COL28A1: variants seen among roughly 807,000 people sequenced by gnomAD.
COL28A1 encodes collagen alpha-1(XXVIII) chain.
COL28A1 carries 161 observed loss-of-function variants against 150.2 expected under a neutral mutation model. That is an observed-to-expected ratio of 1.07 (90% CI 0.94 to 1.22). The LOEUF is 1.22. COL28A1 is among the 50% of genes most tolerant of loss of function. The probability of loss-of-function intolerance (pLI) is 0.00; values close to 1 mark genes in which losing one functional copy is unlikely to be tolerated. For missense variants in COL28A1, 1,617 were observed against 1,388.3 expected, an observed-to-expected ratio of 1.16 and a Z score of -2.62; for synonymous variants, 552 against 469.7, an observed-to-expected ratio of 1.18 and a Z score of -2.26.
upstream of COL28A1, among the ~76,000 whole-genome samples, chr7:7,538,737 AC>A (rs1375961208): frequency 6.6e-6 from 1 of 152,250 alleles, no homozygotes; most frequent in African/African-American, 2.4e-5. Context: ...ATAGAAATAC[AC>A]ACAAAAAAAG....
intron 12 of COL28A1, 127 bp from the exon 13 acceptor site, chr7:7,489,584 G>T: frequency 1.5e-6 from 1 of 652,468 alleles, no homozygotes; most frequent in South Asian, 2.0e-5. Context: ...TTTCATAAAG[G>T]TAAAAAATTC....
At chr7:7,504,513 G>GAGA (rs1583523402) in intron 11 of COL28A1, among the ~76,000 whole-genome samples, 1 of 152,008 alleles carries the variant, frequency 6.6e-6, no homozygotes, top group Non-Finnish European at 1.5e-5. Flanking sequence ...AAAAGAGAGA[G>GAGA]AGAAGAAGAA....
chr7:7,424,714 T>G (rs1399810434), intron 25 of COL28A1, among the ~76,000 whole-genome samples: 3 of 151,898 alleles, frequency 2.0e-5, no homozygotes, highest in African/African-American at 4.8e-5. Flanking sequence ...CTGCACCCAC[T>G]CTCTCAAAAG....
the COL28A1 span, among the ~76,000 whole-genome samples, chr7:7,343,495 ATG>A: frequency 6.6e-6 from 1 of 152,012 alleles, no homozygotes; most frequent in African/African-American, 2.4e-5. Flanking sequence ...CTGTTAATTT[ATG>A]TGTTACTTAT....
At chr7:7,489,350 T>C (rs1168166168) in intron 13 of COL28A1, 39 bp downstream of exon 13, 1 of 891,094 alleles carries the variant, frequency 1.1e-6, no homozygotes, top group Non-Finnish European at 1.9e-6. Context: ...AAAAACTATA[T>C]TTGTCCTTTT....
intron 11 of COL28A1, among the ~76,000 whole-genome samples, chr7:7,500,120 G>C (rs565526748): frequency 6.6e-6 from 1 of 152,092 alleles, no homozygotes. Flanking sequence ...CAATGTTCCC[G>C]ACTGTTACAT....
chr7:7,427,881 G>A (rs1463866191), intron 25 of COL28A1, among the ~76,000 whole-genome samples: 1 of 152,176 alleles, frequency 6.6e-6, no homozygotes, highest in African/African-American at 2.4e-5. Context: ...GACAGCATAG[G>A]AGATTGAGCA....
intron 18 of COL28A1, among the ~76,000 whole-genome samples, chr7:7,448,017 G>A (rs1786399645): frequency 6.6e-6 from 1 of 152,172 alleles, no homozygotes; most frequent in Admixed American, 6.5e-5. Context: ...AGTGAGTCAA[G>A]AGCATGCCAC....
chr7:7,387,521 T>C (rs1466789780), intron 27 of COL28A1, among the ~76,000 whole-genome samples: 3 of 152,110 alleles, frequency 2.0e-5, no homozygotes, highest in Non-Finnish European at 4.4e-5. Context: ...AAAATACTGA[T>C]GTATTAGGAG....
the COL28A1 span, among the ~76,000 whole-genome samples, chr7:7,338,352 T>A: frequency 6.6e-6 from 1 of 152,200 alleles, no homozygotes; most frequent in Non-Finnish European, 1.5e-5. Context: ...CATTTCTTTG[T>A]GTCATCTCTG....
intron 28 of COL28A1, among the ~76,000 whole-genome samples, chr7:7,381,218 C>A (rs1328477083): frequency 6.6e-6 from 1 of 151,974 alleles, no homozygotes; most frequent in Non-Finnish European, 1.5e-5. Flanking sequence ...CTAATAAATC[C>A]TTTATTAGTT....
chr7:7,360,288 T>G (rs1780575784), intron 34 of COL28A1, 102 bp downstream of exon 34: 1 of 1,169,348 alleles, frequency 8.6e-7, no homozygotes, highest in South Asian at 2.1e-5. Context: ...CCTCACATTG[T>G]AGATACAGTA....
intron 27 of COL28A1, among the ~76,000 whole-genome samples, chr7:7,396,554 T>C (rs1049187676): frequency 2.6e-5 from 4 of 152,226 alleles, no homozygotes; most frequent in Non-Finnish European, 4.4e-5. Flanking sequence ...ATGTCCCATA[T>C]AGATATGTTA....
chr7:7,509,167 G>A (rs2115134890), intron 9 of COL28A1, among the ~76,000 whole-genome samples: 1 of 151,980 alleles, frequency 6.6e-6, no homozygotes, highest in African/African-American at 2.4e-5. Context: ...GTTTCGCTCT[G>A]TTACCCAAAC....
At chr7:7,476,583 C>T (rs1176734956) in intron 14 of COL28A1, among the ~76,000 whole-genome samples, 17 of 152,178 alleles carry the variant, frequency 1.1e-4, no homozygotes. Flanking sequence ...GTTTGCCAAC[C>T]TTTGGTGCAG....
intron 5 of COL28A1, 105 bp from the exon 6 acceptor site, chr7:7,520,220 G>A (rs1458590358): frequency 1.7e-6 from 1 of 599,984 alleles, no homozygotes; most frequent in Non-Finnish European, 2.9e-6. Flanking sequence ...AGGGAGAATT[G>A]TAAAACCTTT....
At chr7:7,499,922 A>C (rs1362111692) in intron 11 of COL28A1, among the ~76,000 whole-genome samples, 19 of 152,238 alleles carry the variant, frequency 1.2e-4, no homozygotes, top group Non-Finnish European at 2.9e-5. Context: ...ACTGGCATAG[A>C]AAATGTAAGA....
chr7:7,438,740 A>T (rs1785533250), intron 21 of COL28A1, among the ~76,000 whole-genome samples: 1 of 152,220 alleles, frequency 6.6e-6, no homozygotes. Flanking sequence ...AATCTGTGGC[A>T]TGTGATCAAA....
downstream of COL28A1, among the ~76,000 whole-genome samples, chr7:7,355,836 A>C (rs1417156966): frequency 6.6e-6 from 1 of 152,146 alleles, no homozygotes; most frequent in Non-Finnish European, 1.5e-5. Flanking sequence ...ACTTTTGGGG[A>C]ATATACCCCA....
Sources: allele counts gnomAD v4.1 joint callset (sites outside exome capture counted in the v4.1 genomes callset), GRCh38; gene constraint gnomAD v4.1.1; transcripts MANE v1.5; gene names NCBI Gene and HGNC (gene_info 2026-07-23, HGNC 2026-07-21).